TRDN: variants seen among roughly 807,000 people sequenced by gnomAD.
The protein encoded by TRDN is triadin.
TRDN carries 161 observed loss-of-function variants against 149.7 expected under a neutral mutation model. That is an observed-to-expected ratio of 1.08 (90% CI 0.95 to 1.23). The LOEUF (loss-of-function observed/expected upper bound fraction) is 1.23. TRDN is among the 50% of genes most tolerant of loss of function. TRDN has a pLI of 0.00. For synonymous variants in TRDN, 294 were observed against 250.5 expected, an observed-to-expected ratio of 1.17 and a Z score of -1.64; for missense variants, 896 against 823.5, an observed-to-expected ratio of 1.09 and a Z score of -1.08.
chr6:123,383,518 T>C (rs1329382094), intron 14 of TRDN, among the ~76,000 whole-genome samples: 1 of 152,074 alleles, frequency 6.6e-6, no homozygotes, highest in Non-Finnish European at 1.5e-5. Flanking sequence ...GTAATGGGCA[T>C]ATTAAACACT....
intron 22 of TRDN, 115 bp from the exon 23 acceptor site, chr6:123,332,044 A>T (rs1438760562): frequency 4.2e-6 from 3 of 706,026 alleles, no homozygotes; most frequent in African/African-American, 1.8e-5. Flanking sequence ...TGGAAACTTT[A>T]TAATGCACTT....
intron 1 of TRDN, among the ~76,000 whole-genome samples, chr6:123,617,476 A>G (rs567441639): frequency 1.3e-5 from 2 of 152,156 alleles, no homozygotes; most frequent in African/African-American, 4.8e-5. Context: ...AATATATATT[A>G]GTGGAAAAAA....
At chr6:123,276,022 C>T (rs1445721576) in intron 26 of TRDN, among the ~76,000 whole-genome samples, 1 of 152,070 alleles carries the variant, frequency 6.6e-6, no homozygotes, top group Non-Finnish European at 1.5e-5. Flanking sequence ...TGTGTCCTTA[C>T]AGGGCAAAGC....
chr6:123,218,492 T>A lies in TRDN; in HGVS notation c.*109A>T. On this transcript the variant is annotated 3_prime_UTR_variant, in exon 41 of 41. Transcript: ENST00000334268. ...CCACACCAGGCCAAAGAGCAAAATG[T>A]TTTCACAGAAATTCTCTGGGTTGCA... The A allele has an allele frequency of 2.2e-6, 3 of 1,357,470 alleles. No individual in the cohort carries two copies. Among genetic ancestry groups the A allele is most frequent in the Non-Finnish European group, 3.0e-6 (3 of 1,009,644 alleles). 84.1% of individuals were successfully genotyped at this position (1,357,470 alleles called of 1,614,324 possible).
intron 10 of TRDN, among the ~76,000 whole-genome samples, chr6:123,443,262 G>T (rs1775046356): frequency 6.7e-6 from 1 of 148,704 alleles, no homozygotes; most frequent in African/African-American, 2.5e-5. Context: ...TTGGACAAGT[G>T]ATGATAAAGA....
At chr6:123,396,607 A>G (rs1205216019) in intron 12 of TRDN, among the ~76,000 whole-genome samples, 1 of 152,236 alleles carries the variant, frequency 6.6e-6, no homozygotes, top group African/African-American at 2.4e-5. Context: ...TCAGGAAATT[A>G]TCAGAGAAGT....
At chr6:123,338,343 G>A (rs1246423844) in intron 21 of TRDN, among the ~76,000 whole-genome samples, 1 of 152,140 alleles carries the variant, frequency 6.6e-6, no homozygotes, top group Admixed American at 6.6e-5. Context: ...TTGCTCCGTA[G>A]GCCATTTACA....
intron 12 of TRDN, among the ~76,000 whole-genome samples, chr6:123,408,141 C>T (rs1481603368): frequency 6.6e-6 from 1 of 152,118 alleles, no homozygotes; most frequent in African/African-American, 2.4e-5. Flanking sequence ...TGAATGAATG[C>T]ATTGAAAATG....
intron 12 of TRDN, among the ~76,000 whole-genome samples, chr6:123,414,266 A>T (rs543120582): frequency 1.9e-3 from 290 of 152,192 alleles, no homozygotes; most frequent in African/African-American, 6.4e-3. Context: ...AGATTTTTTT[A>T]AAAAAATTCT....
intron 13 of TRDN, among the ~76,000 whole-genome samples, chr6:123,391,582 C>T (rs1030402753): frequency 3.3e-5 from 5 of 151,800 alleles, no homozygotes; most frequent in Admixed American, 1.3e-4. Context: ...TATTTTGTTG[C>T]CTCCTCAGTG....
intron 5 of TRDN, among the ~76,000 whole-genome samples, chr6:123,517,911 A>C (rs1369848384): frequency 6.6e-6 from 1 of 152,156 alleles, no homozygotes; most frequent in Non-Finnish European, 1.5e-5. Context: ...TACTCAGTAA[A>C]TGAAATCCTT....
At chr6:123,385,584 G>A (rs1306846760) in intron 14 of TRDN, among the ~76,000 whole-genome samples, 2 of 152,042 alleles carry the variant, frequency 1.3e-5, no homozygotes, top group Non-Finnish European at 2.9e-5. Context: ...ATAATACTAG[G>A]AATTTTGCTT....
intron 23 of TRDN, among the ~76,000 whole-genome samples, chr6:123,317,797 A>G (rs1779084129): frequency 6.6e-6 from 1 of 152,012 alleles, no homozygotes; most frequent in Non-Finnish European, 1.5e-5. Flanking sequence ...TGATCAACAA[A>G]TATTGTTGAA....
chr6:123,397,401 T>C (rs1224045645), intron 12 of TRDN, among the ~76,000 whole-genome samples: 1 of 152,214 alleles, frequency 6.6e-6, no homozygotes, highest in Non-Finnish European at 1.5e-5. Flanking sequence ...TATTTACTCG[T>C]ACAACTTCCC....
chr6:123,392,095 T>C (rs1562291735), intron 13 of TRDN, among the ~76,000 whole-genome samples: 3 of 152,222 alleles, frequency 2.0e-5, no homozygotes, highest in South Asian at 4.1e-4. Context: ...CTGTGCTTCA[T>C]CAATCTTTTC....
intron 33 of TRDN, among the ~76,000 whole-genome samples, chr6:123,263,283 G>C (rs1776833605): frequency 1.3e-5 from 2 of 152,018 alleles, no homozygotes; most frequent in Admixed American, 6.6e-5. Flanking sequence ...CTAATCTACA[G>C]CAAGGCCCTA....
intron 5 of TRDN, among the ~76,000 whole-genome samples, chr6:123,517,789 C>T (rs1779484322): frequency 1.3e-5 from 2 of 152,032 alleles, no homozygotes; most frequent in African/African-American, 2.4e-5. Context: ...GTTCAAATGC[C>T]TCCTTCTCTG....
rs1186767541 is a variant in TRDN, at chr6:123,447,104, T to A, written c.932-8101A>T. Among the ~76,000 whole-genome samples, 6 of 145,152 alleles carry A rather than the reference T, an allele frequency of 4.1e-5. No homozygotes were observed. In the East Asian group the frequency reaches 1.2e-3, roughly 29 times the overall value. ...GCTGGCCTTTCAGGCTCTGAATCCA[T>A]TTTTTTTTTTGCCTTGACTTTTCTT... is the stretch of plus-strand genomic sequence containing the variant. On this transcript the variant is annotated intron_variant, in intron 10 of 40. Coordinates refer to ENST00000334268, the MANE Select transcript of TRDN (RefSeq NM_006073.4).
intron 12 of TRDN, among the ~76,000 whole-genome samples, chr6:123,419,175 A>C (rs1047665819): frequency 5.3e-5 from 8 of 152,042 alleles, no homozygotes; most frequent in African/African-American, 1.9e-4. Context: ...GGATCCCCGC[A>C]CTGTTAACCC....
Sources: allele counts gnomAD v4.1 joint callset (sites outside exome capture counted in the v4.1 genomes callset), GRCh38; gene constraint gnomAD v4.1.1; transcripts MANE v1.5; gene names NCBI Gene and HGNC (gene_info 2026-07-23, HGNC 2026-07-21).